The following PRMT8 variants were observed in gnomAD, a reference collection of about 807,000 sequenced individuals.
The protein encoded by PRMT8 is protein arginine methyltransferase 8.
In PRMT8, 7 loss-of-function variants were observed where a neutral mutation model predicts 47.1. The ratio of observed to expected loss-of-function variants is 0.15; its 90% CI spans 0.08 to 0.28. The LOEUF is 0.28. PRMT8 is among the 10% of genes least tolerant of loss of function. PRMT8 has a pLI of 1.00. For missense variants in PRMT8, 237 were observed against 505.4 expected, an observed-to-expected ratio of 0.47 and a Z score of 5.09; for synonymous variants, 188 against 186.5, an observed-to-expected ratio of 1.01 and a Z score of -0.07.
chr12:3,488,315 G>A (rs1447042774), upstream of PRMT8, among the ~76,000 whole-genome samples: 2 of 152,082 alleles, frequency 1.3e-5, no homozygotes, highest in East Asian at 3.8e-4. Flanking sequence ...TTGTGCACTT[G>A]CCATGAGATA....
At chr12:3,529,019 T>A (rs1041597341) in intron 1 of PRMT8, among the ~76,000 whole-genome samples, 1 of 152,240 alleles carries the variant, frequency 6.6e-6, no homozygotes, top group Non-Finnish European at 1.5e-5. Flanking sequence ...AGTAGTTCTT[T>A]TCCGAGGCTG....
intron 1 of PRMT8, among the ~76,000 whole-genome samples, chr12:3,404,982 T>C (rs1864357898): frequency 6.6e-6 from 1 of 152,222 alleles, no homozygotes; most frequent in Admixed American, 6.5e-5. Flanking sequence ...TGGTTAGCCT[T>C]GGATATCTTT....
At chr12:3,397,118 A>T (rs1197010173) in intron 1 of PRMT8, among the ~76,000 whole-genome samples, 2 of 150,540 alleles carry the variant, frequency 1.3e-5, no homozygotes, top group Non-Finnish European at 3.0e-5. Flanking sequence ...ATTCTTCTAA[A>T]TTTTTTTCAA....
intron 1 of PRMT8, among the ~76,000 whole-genome samples, chr12:3,481,509 A>C (rs2137101739): frequency 6.6e-6 from 1 of 152,304 alleles, no homozygotes; most frequent in East Asian, 1.9e-4. Context: ...GTTAGGGCTC[A>C]TCTAATTCTG....
chr12:3,584,385 G>T (rs932370568), intron 8 of PRMT8, among the ~76,000 whole-genome samples: 5 of 152,264 alleles, frequency 3.3e-5, no homozygotes, highest in Admixed American at 1.3e-4. Context: ...TGGAGGGGGG[G>T]ACAATTCAGG....
chr12:3,457,677 A>G (rs2137085377), intron 1 of PRMT8, among the ~76,000 whole-genome samples: 1 of 152,204 alleles, frequency 6.6e-6, no homozygotes, highest in Non-Finnish European at 1.5e-5. Flanking sequence ...AACATTTTTT[A>G]AATATAGTTT....
chr12:3,524,678 A>G (rs544702658), intron 1 of PRMT8, among the ~76,000 whole-genome samples: 96 of 150,096 alleles, frequency 6.4e-4, no homozygotes, highest in African/African-American at 2.0e-3. Context: ...TGAAGCCCCT[A>G]CCCAACAATC....
At chr12:3,506,920 A>C (rs1217181540) in intron 1 of PRMT8, among the ~76,000 whole-genome samples, 1 of 151,998 alleles carries the variant, frequency 6.6e-6, no homozygotes, top group Non-Finnish European at 1.5e-5. Context: ...TGGAGGTTTA[A>C]TTATTGAGTT....
chr12:3,507,698 A>G (rs1204947157), intron 1 of PRMT8, among the ~76,000 whole-genome samples: 1 of 152,152 alleles, frequency 6.6e-6, no homozygotes, highest in Non-Finnish European at 1.5e-5. Flanking sequence ...ATGAGTAAAG[A>G]AAATAAACCT....
chr12:3,470,791 A>G (rs1865154027), intron 1 of PRMT8, among the ~76,000 whole-genome samples: 1 of 152,210 alleles, frequency 6.6e-6, no homozygotes, highest in Admixed American at 6.5e-5. Context: ...CTTCAGCTGT[A>G]CATCGCCACT....
At chr12:3,452,190 A>C (rs1386680207) in intron 1 of PRMT8, among the ~76,000 whole-genome samples, 1 of 152,108 alleles carries the variant, frequency 6.6e-6, no homozygotes, top group Non-Finnish European at 1.5e-5. Context: ...GAGGGAGAGG[A>C]CCAGGAAAAA....
chr12:3,521,095 A>G (rs1026825214), intron 1 of PRMT8, among the ~76,000 whole-genome samples: 2 of 152,222 alleles, frequency 1.3e-5, no homozygotes, highest in African/African-American at 2.4e-5. Context: ...TAAAACCCCA[A>G]TTTTCTAAAG....
rs1340289585 is a variant in PRMT8, at chr12:3,456,793, A to G, written c.48+75351A>G. Among the ~76,000 whole-genome samples the G allele has an allele frequency of 1.3e-5, 2 of 152,186 alleles. No homozygotes were observed. Among genetic ancestry groups the G allele is most frequent in the Admixed American group, 1.3e-4 (2 of 15,284 alleles). On this transcript the variant is annotated intron_variant, in intron 1 of 9. Coordinates refer to the PRMT8 transcript ENST00000452611. The surrounding 1 kb of genome is among the most constrained non-coding windows in gnomAD (Gnocchi z 4.2). ...GACTAAGATTGAACAAGAAAAAAAA[A>G]ATGTCACCAAACAAAGAGAATCGAA...
intron 1 of PRMT8, among the ~76,000 whole-genome samples, chr12:3,516,655 G>A (rs1316758560): frequency 6.6e-6 from 1 of 152,146 alleles, no homozygotes; most frequent in African/African-American, 2.4e-5. Flanking sequence ...CTTGAGTGAG[G>A]TTAAAGGAAA....
chr12:3,561,162 T>C lies in PRMT8; in HGVS notation c.481+7448T>C, dbSNP rs1866629687. On this transcript the variant is annotated intron_variant, in intron 4 of 9. Transcript: ENST00000382622. ...GCTTAGGAGGGCAGTGGTTGGAACA[T>C]TCTCCTCTGGCCATGTTTTAGCAGC... 2.0e-5 allele frequency among the ~76,000 whole-genome samples: 3 copies of C among 152,310 alleles called. No homozygotes were observed. In the South Asian group the frequency reaches 6.2e-4, roughly 32 times the overall value.
chr12:3,458,202 C>T lies in PRMT8; in HGVS notation c.48+76760C>T, dbSNP rs144089510. Among the ~76,000 whole-genome samples the T allele has an allele frequency of 2.4e-3, 366 of 152,314 alleles. 1 individual carries two copies. The highest frequency in any genetic ancestry group is 8.0e-3 in the African/African-American group (333 of 41,568). The stretch of plus-strand genomic sequence containing the variant: ...TCGTGTATCCTCCAACTTACTGGGG[C>T]GTGGCGCTCTGTGACTCAGTTTTCA... On this transcript the variant is annotated intron_variant, in intron 1 of 9. Coordinates refer to the PRMT8 transcript ENST00000452611.
chr12:3,496,859 C>G (rs768119418), intron 1 of PRMT8, among the ~76,000 whole-genome samples: 1 of 151,946 alleles, frequency 6.6e-6, no homozygotes, highest in Admixed American at 6.6e-5. Flanking sequence ...TTCCTCCCTC[C>G]GCAAACACTG....
chr12:3,461,798 G>A (rs1865045167), intron 1 of PRMT8, among the ~76,000 whole-genome samples: 1 of 152,064 alleles, frequency 6.6e-6, no homozygotes, highest in South Asian at 2.1e-4. Flanking sequence ...GAACCAAAAC[G>A]AGGACAACTG....
intron 1 of PRMT8, among the ~76,000 whole-genome samples, chr12:3,495,211 T>A (rs1865488082): frequency 2.0e-5 from 3 of 152,210 alleles, no homozygotes. Context: ...TCAAGCCTCA[T>A]AATCCTACTG....
Sources: allele counts gnomAD v4.1 joint callset (sites outside exome capture counted in the v4.1 genomes callset), GRCh38; gene constraint gnomAD v4.1.1; non-coding constraint Gnocchi (gnomAD v3.1); transcripts MANE v1.5; gene names NCBI Gene and HGNC (gene_info 2026-07-23, HGNC 2026-07-21).